TMEM131L: variants seen among roughly 807,000 people sequenced by gnomAD.
TMEM131L encodes transmembrane protein 131-like.
TMEM131L carries 54 observed loss-of-function variants against 192.2 expected under a neutral mutation model. The ratio of observed to expected loss-of-function variants is 0.28; its 90% CI spans 0.23 to 0.35. The LOEUF (loss-of-function observed/expected upper bound fraction) is 0.35. Ranked by LOEUF, TMEM131L falls within the 10% of genes least tolerant of loss-of-function variation. TMEM131L has a pLI of 1.00. For synonymous variants in TMEM131L, 701 were observed against 704.9 expected, an observed-to-expected ratio of 0.99 and a Z score of 0.09; for missense variants, 1,888 against 1,972.9, an observed-to-expected ratio of 0.96 and a Z score of 0.82.
intron 16 of TMEM131L, among the ~76,000 whole-genome samples, chr4:153,589,268 T>C (rs2150815973): frequency 1.3e-5 from 2 of 152,360 alleles, no homozygotes; most frequent in South Asian, 4.1e-4. Context: ...TTCACCTTTT[T>C]GGGTAAAAGG....
rs996954651 is a variant in TMEM131L at position 153,585,393 on chromosome 4, C to G, written c.1158-65C>G. The G allele has an allele frequency of 3.4e-6, 5 of 1,490,448 alleles. No individual in the cohort carries two copies. The African/African-American group carries it at 7.1e-5, about 21-fold the overall frequency. 92.3% of individuals were successfully genotyped at this position (1,490,448 alleles called of 1,614,324 possible). A position where few individuals can be genotyped will look rare whatever the true frequency, so the allele number is the denominator to read the frequency against. On this transcript the variant is annotated intron_variant, in intron 12 of 34. Transcript: ENST00000409959. ...ATGCTCCTGTTTTTGCAATTAGAGG[C>G]TCATAAGAGGGCTGACTGTTGTCCC...
intron 29 of TMEM131L, among the ~76,000 whole-genome samples, chr4:153,623,308 G>A (rs1733589794): frequency 6.6e-6 from 1 of 152,062 alleles, no homozygotes; most frequent in South Asian, 2.1e-4. Flanking sequence ...GTCTGTCTTG[G>A]AAATAGTTCA....
At chr4:153,608,288 G>A (rs1402053905) in intron 25 of TMEM131L, among the ~76,000 whole-genome samples, 4 of 152,018 alleles carry the variant, frequency 2.6e-5, no homozygotes, top group African/African-American at 9.7e-5. Context: ...TTGTTTTTTG[G>A]CATCAACTTG....
At position 153,615,372 on chromosome 4, in the gene TMEM131L, G is replaced by A. The variant is rs142454655; in HGVS notation, c.3567+2972G>A. Among the ~76,000 whole-genome samples, 998 of 152,274 alleles carry A rather than the reference G, an allele frequency of 6.6e-3. 14 individuals carry two copies. Among genetic ancestry groups the A allele is most frequent in the African/African-American group, 0.023 (940 of 41,552 alleles). On this transcript the variant is annotated intron_variant, in intron 26 of 34. Coordinates refer to ENST00000409959, the MANE Select transcript of TMEM131L (RefSeq NM_001131007.2). Reference sequence around the variant, plus strand: ...GTGGGAGGTGGGGAACTAGAGCTTCGGCAACAAGTTAGGCCTGGAGCTTGA... The same window carrying A: ...GTGGGAGGTGGGGAACTAGAGCTTCAGCAACAAGTTAGGCCTGGAGCTTGA...
intron 29 of TMEM131L, among the ~76,000 whole-genome samples, chr4:153,625,795 C>G (rs894109403): frequency 6.6e-6 from 1 of 151,806 alleles, no homozygotes; most frequent in Admixed American, 6.6e-5. Flanking sequence ...GTAATCCCAC[C>G]TACTTGGGAG....
intron 3 of TMEM131L, among the ~76,000 whole-genome samples, chr4:153,540,151 CA>C (rs1378301232): frequency 6.6e-6 from 1 of 150,530 alleles, no homozygotes; most frequent in Admixed American, 6.7e-5. Context: ...AACCCCAAAA[CA>C]AAAAACATCT....
chr4:153,508,948 G>A (rs2150055931), intron 3 of TMEM131L, among the ~76,000 whole-genome samples: 1 of 152,056 alleles, frequency 6.6e-6, no homozygotes, highest in South Asian at 2.1e-4. Flanking sequence ...CCAGCCTAGT[G>A]TTTTTCTTTA....
At chr4:153,498,818 G>T (rs1239793366) in intron 3 of TMEM131L, among the ~76,000 whole-genome samples, 1 of 152,158 alleles carries the variant, frequency 6.6e-6, no homozygotes, top group African/African-American at 2.4e-5. Flanking sequence ...AGGAGTTTAT[G>T]CAACAAATGC....
At chr4:153,612,655 T>C (rs1381021844) in intron 26 of TMEM131L, among the ~76,000 whole-genome samples, 1 of 152,166 alleles carries the variant, frequency 6.6e-6, no homozygotes, top group African/African-American at 2.4e-5. Flanking sequence ...TCCTAGGTAA[T>C]GATGGCAGAG....
Position 153,604,383 on chromosome 4 carries a change from C to T in TMEM131L, c.3371C>T (p.Pro1124Leu). The change falls in exon 25 of 35, where the codon CCT becomes CTT. Residue 1124 changes from proline (P) to leucine (L), a missense_variant. Pro to Leu is a moderately conservative substitution (Grantham distance 98). Transcript: ENST00000409959. ...LPENHLPRNS[P>L]QYHQPDLPEI... is the part of the protein sequence containing the mutation. The stretch of plus-strand genomic sequence containing the variant: ...GAAAACCATTTACCAAGAAACTCAC[C>T]TCAGTACCACCAGCCAGACTTGCCA... The T allele has an allele frequency of 6.2e-7, 1 of 1,610,068 alleles. No individual in the cohort carries two copies. The highest frequency in any genetic ancestry group is 8.5e-7 in the Non-Finnish European group (1 of 1,178,862).
intron 3 of TMEM131L, among the ~76,000 whole-genome samples, chr4:153,490,655 C>T (rs1360400336): frequency 6.6e-6 from 1 of 152,040 alleles, no homozygotes; most frequent in Admixed American, 6.5e-5. Context: ...ACAAAAGCTT[C>T]TAGATTTAAA....
At chr4:153,622,228 A>C (rs552470430) in intron 28 of TMEM131L, among the ~76,000 whole-genome samples, 4 of 152,208 alleles carry the variant, frequency 2.6e-5, no homozygotes, top group South Asian at 4.1e-4. Flanking sequence ...TGCCCCACCC[A>C]AGGCCTGCTG....
chr4:153,618,280 G>T (rs1409925053), intron 26 of TMEM131L, among the ~76,000 whole-genome samples: 1 of 151,786 alleles, frequency 6.6e-6, no homozygotes, highest in Non-Finnish European at 1.5e-5. Flanking sequence ...TTCAAGACCA[G>T]TCTGGGCAAC....
At chr4:153,600,052 A>G (rs1044125800) in intron 21 of TMEM131L, among the ~76,000 whole-genome samples, 19 of 152,298 alleles carry the variant, frequency 1.2e-4, no homozygotes, top group African/African-American at 4.3e-4. Context: ...AAAAGGAAAA[A>G]GAAAAAAATA....
At chr4:153,467,111 GT>G in intron 1 of TMEM131L, 99 bp from the exon 2 acceptor site, 1 of 1,171,100 alleles carries the variant, frequency 8.5e-7, no homozygotes, top group Non-Finnish European at 1.2e-6. Context: ...AAAGAGACGT[GT>G]TTTGGTGAGG....
At position 153,620,893 on chromosome 4, in the gene TMEM131L, T is replaced by C; in HGVS notation, c.3692+13T>C. ...CTCCAGTCTCAAGGTGCGTAATTCT[T>C]ACTATCTCTAATATTTTGATCTATT... On this transcript the variant is annotated intron_variant, in intron 27 of 34. Coordinates refer to ENST00000409959, the MANE Select transcript of TMEM131L (RefSeq NM_001131007.2). The C allele has an allele frequency of 6.4e-7, 1 of 1,570,576 alleles. No homozygotes were observed. Among genetic ancestry groups the C allele is most frequent in the Non-Finnish European group, 8.6e-7 (1 of 1,164,688 alleles).
chr4:153,590,946 TA>T, intron 16 of TMEM131L, 106 bp from the exon 17 acceptor site: 1 of 683,898 alleles, frequency 1.5e-6, no homozygotes, highest in Non-Finnish European at 2.1e-6. Flanking sequence ...CCTTTTCCTT[TA>T]AGTGGGAATA....
chr4:153,558,727 C>T (rs1041307502), intron 7 of TMEM131L: 65 of 155,596 alleles, frequency 4.2e-4, no homozygotes, highest in African/African-American at 1.4e-3. Context: ...AGACTGTGAA[C>T]GATTTTGTAG....
intron 7 of TMEM131L, among the ~76,000 whole-genome samples, chr4:153,575,651 A>G (rs1729883737): frequency 6.6e-6 from 1 of 152,180 alleles, no homozygotes; most frequent in South Asian, 2.1e-4. Context: ...TATATAAACT[A>G]TATTAATACT....
Sources: allele counts gnomAD v4.1 joint callset (sites outside exome capture counted in the v4.1 genomes callset), GRCh38; gene constraint gnomAD v4.1.1; transcripts MANE v1.5; gene names NCBI Gene and HGNC (gene_info 2026-07-23, HGNC 2026-07-21).